The following PDE6A variants were observed in gnomAD, a reference collection of about 807,000 sequenced individuals.
PDE6A encodes phosphodiesterase 6A.
A neutral mutation model predicts 106.3 loss-of-function variants in PDE6A; 84 were observed. The observed-to-expected ratio is 0.79, with a 90% CI of 0.66 to 0.95. PDE6A has a LOEUF of 0.95. Ranked by LOEUF, PDE6A falls within the 40% of genes least tolerant of loss-of-function variation. PDE6A has a pLI of 0.00. For synonymous variants in PDE6A, 394 were observed against 386.6 expected, an observed-to-expected ratio of 1.02 and a Z score of -0.23; for missense variants, 1,052 against 1,084.9, an observed-to-expected ratio of 0.97 and a Z score of 0.43.
Position 149,869,780 on chromosome 5 carries a change from A to G in PDE6A, c.2136-1622T>C, listed in dbSNP as rs1031062855. Among the ~76,000 whole-genome samples the G allele has an allele frequency of 3.3e-5, 5 of 152,192 alleles. No homozygotes were observed. The South Asian group carries it at 1.0e-3, about 31-fold the overall frequency. On this transcript the variant is annotated intron_variant, in intron 17 of 21. Transcript: ENST00000255266. ...TGCTGCAGTAATTCAGCAGGAGGGC[A>G]GGAGAGCTGGTCTGCAGCAACGGCT...
chr5:149,895,399 G>A, intron 12 of PDE6A, 109 bp from the exon 13 acceptor site: 3 of 784,736 alleles, frequency 3.8e-6, no homozygotes, highest in South Asian at 2.8e-5. Context: ...CTCTTTTGAG[G>A]TTTGAGGTAC....
chr5:149,934,784 G>T, intron 1 of PDE6A, 66 bp from the exon 2 acceptor site: 2 of 1,527,662 alleles, frequency 1.3e-6, no homozygotes, highest in Non-Finnish European at 1.8e-6. Context: ...ACGGCCCAAA[G>T]CCCCTGTTGA....
chr5:149,906,128 G>C (rs1753168509), intron 7 of PDE6A, among the ~76,000 whole-genome samples: 1 of 151,866 alleles, frequency 6.6e-6, no homozygotes, highest in Non-Finnish European at 1.5e-5. Flanking sequence ...TAAGTGTTGG[G>C]ATTACAGGCG....
At chr5:149,874,054 G>A (rs1185320206) in intron 17 of PDE6A, among the ~76,000 whole-genome samples, 1 of 151,740 alleles carries the variant, frequency 6.6e-6, no homozygotes, top group Non-Finnish European at 1.5e-5. Context: ...AATTGGTGTG[G>A]ACCTCCCACC....
At chr5:149,905,371 A>G (rs1419252025) in intron 7 of PDE6A, among the ~76,000 whole-genome samples, 3 of 151,026 alleles carry the variant, frequency 2.0e-5, no homozygotes, top group Admixed American at 2.0e-4. Context: ...TGCTTCCAAC[A>G]CTCCTCTCTC....
chr5:149,883,687 T>A lies in PDE6A; in HGVS notation c.2028-151A>T, dbSNP rs1386022840. Reference sequence around the variant, plus strand: ...GAGCCAAGGCCCAGGAGTGAAGACCTAGGTTTAACCTAAGTCTCTGCCACT... The same window carrying A: ...GAGCCAAGGCCCAGGAGTGAAGACCAAGGTTTAACCTAAGTCTCTGCCACT... On this transcript the variant is annotated intron_variant, in intron 16 of 21. Transcript: ENST00000255266. 4 of 694,778 alleles carry A rather than the reference T, an allele frequency of 5.8e-6. No individual in the cohort carries two copies. The East Asian group carries it at 1.1e-4, about 19-fold the overall frequency. The allele number at this position is 694,778 out of a possible 1,614,324, so 43.0% of individuals were successfully genotyped here.
chr5:149,918,004 C>A (rs1753604084), intron 5 of PDE6A, among the ~76,000 whole-genome samples: 1 of 152,106 alleles, frequency 6.6e-6, no homozygotes, highest in Non-Finnish European at 1.5e-5. Context: ...CTCTAAGGTT[C>A]TAAGGACAAT....
intron 6 of PDE6A, among the ~76,000 whole-genome samples, chr5:149,908,131 G>A (rs546527866): frequency 2.6e-4 from 39 of 152,232 alleles, no homozygotes; most frequent in African/African-American, 8.9e-4. Flanking sequence ...ACTGTACAAC[G>A]TATATTATTT....
At chr5:149,900,606 G>GGTGA (rs1310126182) in intron 8 of PDE6A, among the ~76,000 whole-genome samples, 20 of 151,676 alleles carry the variant, frequency 1.3e-4, no homozygotes, top group African/African-American at 4.8e-4. Flanking sequence ...TCCTGGAGTA[G>GGTGA]GTGAGTCTTC....
chr5:149,916,714 C>T (rs182087071), intron 5 of PDE6A, among the ~76,000 whole-genome samples: 4 of 152,258 alleles, frequency 2.6e-5, no homozygotes, highest in African/African-American at 9.6e-5. Flanking sequence ...GCGTGATGAG[C>T]AACTATTTCA....
intron 5 of PDE6A, among the ~76,000 whole-genome samples, chr5:149,916,548 G>T (rs1387316118): frequency 1.3e-5 from 2 of 151,866 alleles, no homozygotes; most frequent in Non-Finnish European, 2.9e-5. Flanking sequence ...CATCTCTCCC[G>T]CCTCCTTGCA....
chr5:149,915,001 T>G lies in PDE6A; in HGVS notation c.940A>C (p.Asn314His), dbSNP rs150755165. ...GPRTPDGREINFYKVIDYILH... is the reference protein window; with the variant it reads ...GPRTPDGREIHFYKVIDYILH... ...ATGTAGTCAATGACCTTGTAAAAGT[T>G]AATTTCCTGGCAAAAGAGAGAAAAA... The change falls in exon 6 of 22, where the codon AAC becomes CAC. Residue 314 changes from asparagine to histidine, a missense_variant. Transcript: ENST00000255266. 448 of 1,591,638 alleles carry G rather than the reference T, an allele frequency of 2.8e-4. No individual in the cohort carries two copies. Among genetic ancestry groups the G allele is most frequent in the Non-Finnish European group, 1.5e-5 (17 of 1,161,334 alleles).
intron 4 of PDE6A, 135 bp downstream of exon 4, chr5:149,930,893 T>A: frequency 1.2e-6 from 1 of 865,872 alleles, no homozygotes; most frequent in East Asian, 2.5e-5. Flanking sequence ...TAGAGACCTA[T>A]GTAAGACTTT....
rs772097551 is a variant in PDE6A at position 149,867,746 on chromosome 5, C to T, written c.2253G>A (p.Thr751=). The part of the protein sequence containing the change: ...EFWEQGDLER[T]VLQQNPIPMM... ...TCACAATGGGATTCTGTTGCAGCAC[C>T]GTGCGCTCCAGGTCACCTTGTTCCC... The change falls in exon 19 of 22, where the codon ACG becomes ACA. Residue 751 remains threonine, a synonymous_variant. Transcript: ENST00000255266. 2.6e-5 allele frequency: 42 copies of T among 1,613,764 alleles called. No homozygotes were observed. Among genetic ancestry groups the T allele is most frequent in the Admixed American group, 3.3e-5 (2 of 59,980 alleles).
Position 149,907,387 on chromosome 5 carries a change from G to A in PDE6A, c.999-9C>T. On this transcript the variant is annotated splice_polypyrimidine_tract_variant and intron_variant, in intron 6 of 21. Transcript: ENST00000255266. Reference sequence around the variant, plus strand: ...GGTCAGGAGGTGGATTCCTGTGAAGGCCAAAGACAAAACGGTGACTCTCAG... The same window carrying A: ...GGTCAGGAGGTGGATTCCTGTGAAGACCAAAGACAAAACGGTGACTCTCAG... The A allele has an allele frequency of 6.2e-7, 1 of 1,612,456 alleles. No homozygotes were observed.
chr5:149,873,739 C>A (rs938813695), intron 17 of PDE6A, among the ~76,000 whole-genome samples: 2 of 152,084 alleles, frequency 1.3e-5, no homozygotes, highest in South Asian at 4.1e-4. Flanking sequence ...GATCTGTGAG[C>A]CTTTCCAACT....
At chr5:149,861,157 T>C (rs529924576) in intron 21 of PDE6A, among the ~76,000 whole-genome samples, 186 bp from the exon 22 acceptor site, 1 of 152,182 alleles carries the variant, frequency 6.6e-6, no homozygotes, top group East Asian at 1.9e-4. Flanking sequence ...CTAAGAAAAA[T>C]AGCAGCACGA....
chr5:149,890,593 T>G (rs565594449), intron 13 of PDE6A, among the ~76,000 whole-genome samples: 2 of 152,322 alleles, frequency 1.3e-5, no homozygotes, highest in Non-Finnish European at 2.9e-5. Context: ...CAAATTTCCT[T>G]GTCAATTGTG....
At chr5:149,886,149 C>T (rs973077029) in intron 14 of PDE6A, 116 bp downstream of exon 14, 14 of 763,116 alleles carry the variant, frequency 1.8e-5, no homozygotes, top group South Asian at 5.8e-5. Context: ...GGGCAGAAGG[C>T]GGTGGGAAGC....
Sources: gnomAD v4.1 joint callset for allele counts (sites outside exome capture counted in the v4.1 genomes callset) on GRCh38, gnomAD v4.1.1 for gene constraint, MANE v1.5 for transcripts, NCBI Gene and HGNC (gene_info 2026-07-23, HGNC 2026-07-21) for gene names.